Variants in AGAP1 observed in about 807,000 individuals in gnomAD.
AGAP1 encodes the protein ArfGAP with GTPase domain, ankyrin repeat and PH domain 1.
Under a neutral mutation model 105.3 loss-of-function variants are expected in AGAP1, and 29 were observed. The ratio of observed to expected loss-of-function variants is 0.28; its 90% CI spans 0.21 to 0.38. The LOEUF is 0.38. Ranked by LOEUF, AGAP1 falls within the 10% of genes least tolerant of loss-of-function variation. The pLI, the probability that AGAP1 is intolerant of heterozygous loss-of-function variation, is 1.00. For synonymous variants in AGAP1, 509 were observed against 485.9 expected (o/e 1.05, Z -0.63); for missense variants, 998 against 1,165.1 (o/e 0.86, Z 2.09).
chr2:235,709,144 T>TA, intron 1 of AGAP1, 35 bp from the exon 2 acceptor site: 1 of 1,611,314 alleles, frequency 6.2e-7, no homozygotes. Context: ...TTACGTGAGT[T>TA]ATGGTGTCTG....
chr2:235,813,565 G>A (rs533518043), intron 9 of AGAP1, among the ~76,000 whole-genome samples: 1 of 152,226 alleles, frequency 6.6e-6, no homozygotes, highest in African/African-American at 2.4e-5. Flanking sequence ...AGACCCCTAG[G>A]GGGGCGGGCA....
At chr2:235,546,242 C>T (rs1401070903) in intron 1 of AGAP1, among the ~76,000 whole-genome samples, 1 of 152,194 alleles carries the variant, frequency 6.6e-6, no homozygotes, top group African/African-American at 2.4e-5. Flanking sequence ...GCTGCAGGAA[C>T]CCCATGTCTG....
At chr2:235,503,188 A>T (rs755167785) in intron 1 of AGAP1, among the ~76,000 whole-genome samples, 1 of 152,206 alleles carries the variant, frequency 6.6e-6, no homozygotes, top group Non-Finnish European at 1.5e-5. Context: ...TATGTAATGA[A>T]AAAGAAATTG....
intron 6 of AGAP1, among the ~76,000 whole-genome samples, chr2:235,763,904 T>TGG (rs1310069190): frequency 6.6e-6 from 1 of 152,202 alleles, no homozygotes; most frequent in Non-Finnish European, 1.5e-5. Flanking sequence ...TGCGCGCTTT[T>TGG]GGGGTCATCA....
In AGAP1 at chr2:235,744,561, A is replaced by G; in HGVS notation, c.397-137A>G. On this transcript the variant is annotated intron_variant, in intron 4 of 17. Transcript: ENST00000304032. This position sits in a 1 kb window ranked among gnomAD's most constrained non-coding sequence, Gnocchi z 5.2. ...TGCCGTGACAGTGTGTAAAAGTGAC[A>G]GTCAAAAGTCAAGCACCCAGTGTGT... The G allele has an allele frequency of 1.0e-6, 1 of 1,003,852 alleles. No homozygotes were observed. Among genetic ancestry groups the G allele is most frequent in the Non-Finnish European group, 1.5e-6 (1 of 658,038 alleles). The allele number at this position is 1,003,852 out of a possible 1,614,324, so 62.2% of individuals were successfully genotyped here. A position where few individuals can be genotyped will look rare whatever the true frequency, so the allele number is the denominator to read the frequency against.
At chr2:235,726,485 G>C (rs1307856886) in intron 3 of AGAP1, among the ~76,000 whole-genome samples, 1 of 152,188 alleles carries the variant, frequency 6.6e-6, no homozygotes, top group Admixed American at 6.5e-5. Flanking sequence ...AGTGTTCTGA[G>C]GCTGTGGGTG....
rs1051262442 is a variant in AGAP1 at position 235,788,788 on chromosome 2, G to A, written c.674-8971G>A. ...AGCAGAATGGAGCCCTCAGAAGCGC[G>A]CATTCAGACCGGCAGTAGACAAAAC... On this transcript the variant is annotated intron_variant, in intron 6 of 17. Coordinates refer to ENST00000304032, the MANE Select transcript of AGAP1 (RefSeq NM_001037131.3). The surrounding 1 kb of genome is among the most constrained non-coding windows in gnomAD (Gnocchi z 6.0). 1.9e-4 allele frequency among the ~76,000 whole-genome samples: 29 copies of A among 152,140 alleles called. No individual in the cohort carries two copies. The highest frequency in any genetic ancestry group is 6.0e-4 in the African/African-American group (25 of 41,432).
chr2:235,670,471 C>A, intron 1 of AGAP1: 1 of 523,952 alleles, frequency 1.9e-6, no homozygotes, highest in Non-Finnish European at 3.4e-6. Context: ...CCGGCAGCGC[C>A]CCGGCCGAGG....
Position 235,882,375 on chromosome 2 carries a change from C to T in AGAP1, c.1051-970C>T. On this transcript the variant is annotated intron_variant, in intron 9 of 17. Transcript: ENST00000304032. The surrounding 1 kb of genome is among the most constrained non-coding windows in gnomAD (Gnocchi z 4.6). ...TCCTCCGGGCTCTTAGGAAATTTCA[C>T]TCCGCTTCTGCCCAGTGGTCTCTTT... 1.3e-6 allele frequency: 2 copies of T among 1,498,616 alleles called. No homozygotes were observed. Among genetic ancestry groups the T allele is most frequent in the South Asian group, 2.3e-5 (2 of 86,196 alleles). 92.8% of individuals were successfully genotyped at this position (1,498,616 alleles called of 1,614,324 possible). A position where few individuals can be genotyped will look rare whatever the true frequency, so the allele number is the denominator to read the frequency against.
intron 1 of AGAP1, among the ~76,000 whole-genome samples, chr2:235,496,674 A>G (rs1941332030): frequency 1.3e-5 from 2 of 152,136 alleles, no homozygotes; most frequent in African/African-American, 4.8e-5. Context: ...CCATTCTTGA[A>G]GCTGAGCTCT....
At chr2:235,863,251 AAC>A (rs541638965) in intron 9 of AGAP1, among the ~76,000 whole-genome samples, 60 of 152,392 alleles carry the variant, frequency 3.9e-4, no homozygotes, top group African/African-American at 1.4e-3. Context: ...GTCAAATGGA[AAC>A]ACAGTGCCAA....
At chr2:235,519,453 GA>G (rs1942533525) in intron 1 of AGAP1, among the ~76,000 whole-genome samples, 2 of 152,104 alleles carry the variant, frequency 1.3e-5, no homozygotes, top group African/African-American at 4.8e-5. Flanking sequence ...CAGAATTTGA[GA>G]CTAAGAGTAT....
chr2:236,012,624 A>G lies in AGAP1; in HGVS notation c.1646-23937A>G, dbSNP rs1311592565. Among the ~76,000 whole-genome samples the G allele has an allele frequency of 6.6e-6, 1 of 152,180 alleles. No individual in the cohort carries two copies. The highest frequency in any genetic ancestry group is 6.5e-5 in the Admixed American group (1 of 15,282). On this transcript the variant is annotated intron_variant, in intron 13 of 17. Coordinates refer to ENST00000304032, the MANE Select transcript of AGAP1 (RefSeq NM_001037131.3). The surrounding 1 kb of genome is among the most constrained non-coding windows in gnomAD (Gnocchi z 4.9). The stretch of plus-strand genomic sequence containing the variant: ...CCAGGTTTGGAGTTACCTGAGACAG[A>G]TACTTAGGTAGGACCTTATAGATAG...
chr2:235,853,104 T>G (rs1414829663), intron 9 of AGAP1: 29 of 1,223,346 alleles, frequency 2.4e-5, no homozygotes, highest in Non-Finnish European at 3.0e-5. Context: ...GCTCTTTCTT[T>G]GAGGAACCTT....
intron 6 of AGAP1, among the ~76,000 whole-genome samples, chr2:235,758,448 A>G (rs914788781): frequency 1.3e-5 from 2 of 152,124 alleles, no homozygotes; most frequent in Admixed American, 1.3e-4. Context: ...AGGCGAGGCC[A>G]TCATTTCCCG....
intron 9 of AGAP1, among the ~76,000 whole-genome samples, chr2:235,833,782 A>G (rs1213377669): frequency 6.6e-6 from 1 of 151,996 alleles, no homozygotes; most frequent in Non-Finnish European, 1.5e-5. Context: ...ATGTTTATGA[A>G]TACATGTGTA....
chr2:235,854,094 A>G (rs1474275091), intron 9 of AGAP1, among the ~76,000 whole-genome samples: 1 of 152,144 alleles, frequency 6.6e-6, no homozygotes, highest in Non-Finnish European at 1.5e-5. Flanking sequence ...ATAAAATCCA[A>G]ATACTCAGCT....
intron 16 of AGAP1, among the ~76,000 whole-genome samples, chr2:236,110,436 A>AGGAGGCACACTTGAGC: frequency 6.6e-6 from 1 of 151,780 alleles, no homozygotes; most frequent in African/African-American, 2.4e-5. Context: ...GGTGATGTGC[A>AGGAGGCACACTTGAGC]CCTGTAGTTC....
At chr2:235,745,391 G>C (rs1952848885) in intron 5 of AGAP1, among the ~76,000 whole-genome samples, 1 of 152,094 alleles carries the variant, frequency 6.6e-6, no homozygotes, top group South Asian at 2.1e-4. Flanking sequence ...TTTCTCTGAG[G>C]GTCACTTCGA....
Sources: allele counts gnomAD v4.1 joint callset (sites outside exome capture counted in the v4.1 genomes callset), GRCh38; gene constraint gnomAD v4.1.1; non-coding constraint Gnocchi (gnomAD v3.1); transcripts MANE v1.5; gene names NCBI Gene and HGNC (gene_info 2026-07-23, HGNC 2026-07-21).